Variants in XRCC6 observed in about 807,000 individuals in gnomAD.
The protein encoded by XRCC6 is DNA repair protein Ku70.
XRCC6 carries 5 observed loss-of-function variants against 65.7 expected under a neutral mutation model. The observed-to-expected ratio is 0.08, with a 90% confidence interval of 0.04 to 0.16. XRCC6 has a LOEUF of 0.16. Among genes scored for constraint, XRCC6 ranks in the 10% least tolerant of loss-of-function variants. The probability of loss-of-function intolerance (pLI) is 1.00; values close to 1 mark genes in which losing one functional copy is unlikely to be tolerated. For synonymous variants in XRCC6, 270 were observed against 270.6 expected, an observed-to-expected ratio of 1.00 and a Z score of 0.02; for missense variants, 447 against 738.1, an observed-to-expected ratio of 0.61 and a Z score of 4.57.
At chr22:41,634,710 A>G (rs1200339046) in intron 3 of XRCC6, among the ~76,000 whole-genome samples, 1 of 151,522 alleles carries the variant, frequency 6.6e-6, no homozygotes, top group Non-Finnish European at 1.5e-5. Context: ...ACATCCAACT[A>G]ATTTTTGTAT....
chr22:41,643,550 C>T (rs1393733932), intron 6 of XRCC6, among the ~76,000 whole-genome samples: 2 of 150,726 alleles, frequency 1.3e-5, no homozygotes, highest in East Asian at 4.0e-4. Context: ...GCCGGGCGCG[C>T]TGGCTCATGC....
rs28384752 is a variant in XRCC6 at position 41,647,264 on chromosome 22, A to AATTT, written c.960+199_960+202dup. Among the ~76,000 whole-genome samples, 519 of 152,170 alleles carry AATTT rather than the reference A, an allele frequency of 3.4e-3. 1 individual carries two copies. Among genetic ancestry groups the AATTT allele is most frequent in the South Asian group, 0.011 (52 of 4,818 alleles). On this transcript the variant is annotated intron_variant, in intron 7 of 12. Transcript: ENST00000360079. ...CAGGCATGTGACATCACACCCAGCT[A>AATTT]ATTTATTTATTTATTTATTTTTTAA...
Position 41,637,626 on chromosome 22 carries a change from T to C in XRCC6, c.608T>C (p.Met203Thr). Residue 203 changes from methionine to threonine, a missense_variant, in exon 6 of 13, where the codon ATG becomes ACG. Physicochemically the swap from Met to Thr is moderately conservative, Grantham distance 81. This residue lies in a region of XRCC6 where 228 missense variants were observed against 307.4 expected (regional missense o/e 0.74). Transcript: ENST00000360079. ...GCAACAGGCATCTTCCTTGACTTGA[T>C]GCACCTGAAGAAACCTGGGGGCTTT... ...LRDTGIFLDL[M>T]HLKKPGGFDI... The C allele has an allele frequency of 2.5e-6, 4 of 1,605,880 alleles. No individual in the cohort carries two copies. Among genetic ancestry groups the C allele is most frequent in the Non-Finnish European group, 3.4e-6 (4 of 1,176,908 alleles).
chr22:41,631,086 G>T (rs1029526698), intron 3 of XRCC6, among the ~76,000 whole-genome samples: 8 of 127,372 alleles, frequency 6.3e-5, no homozygotes, highest in Non-Finnish European at 9.0e-5. Context: ...CTGGCCGGGT[G>T]GGGGGATGAC....
chr22:41,632,467 C>CGGGCATGGTAGTGCA (rs1163800148), intron 3 of XRCC6, among the ~76,000 whole-genome samples: 1 of 151,826 alleles, frequency 6.6e-6, no homozygotes, highest in African/African-American at 2.4e-5. Flanking sequence ...AAAAATTAGC[C>CGGGCATGGTAGTGCA]GGGCATGGTA....
chr22:41,655,712 A>G (rs1362085959), intron 9 of XRCC6, among the ~76,000 whole-genome samples: 1 of 132,122 alleles, frequency 7.6e-6, no homozygotes, highest in Non-Finnish European at 1.5e-5. Context: ...AAAAAAAAAA[A>G]TAGTTTTTTC....
intron 6 of XRCC6, among the ~76,000 whole-genome samples, chr22:41,639,217 C>T (rs896888947): frequency 6.6e-6 from 1 of 151,632 alleles, no homozygotes; most frequent in African/African-American, 2.4e-5. Context: ...AAAACAGAGC[C>T]TGTTAGGGAG....
At position 41,657,033 on chromosome 22, in the gene XRCC6, G is replaced by A. The variant is rs2068051453; in HGVS notation, c.1421+1G>A. 1 of 1,570,342 alleles carries A rather than the reference G, an allele frequency of 6.4e-7. No homozygotes were observed. On this transcript the variant is annotated splice_donor_variant, in intron 10 of 12. Transcript: ENST00000360079. LOFTEE classifies it high-confidence loss of function. Reference sequence around the variant, plus strand: ...TTGAGAAGCTTCGCTTCACATACAGGTGAGTCAATCTCAGGCTTTCTGGAA... The same window carrying A: ...TTGAGAAGCTTCGCTTCACATACAGATGAGTCAATCTCAGGCTTTCTGGAA...
At chr22:41,644,655 T>A (rs1569090335) in intron 6 of XRCC6, among the ~76,000 whole-genome samples, 1 of 151,802 alleles carries the variant, frequency 6.6e-6, no homozygotes, top group Non-Finnish European at 1.5e-5. Context: ...CTGGCTAATA[T>A]TTTTTTGTAT....
intron 7 of XRCC6, among the ~76,000 whole-genome samples, chr22:41,650,016 C>T (rs1332857483): frequency 6.6e-6 from 1 of 151,856 alleles, no homozygotes; most frequent in Non-Finnish European, 1.5e-5. Flanking sequence ...TGACAGACTG[C>T]ATCTCAAATA....
At chr22:41,629,356 A>C (rs2067714929) in intron 3 of XRCC6, among the ~76,000 whole-genome samples, 2 of 152,236 alleles carry the variant, frequency 1.3e-5, no homozygotes, top group Admixed American at 1.3e-4. Flanking sequence ...ATATAGATAT[A>C]CATTCCATGA....
intron 7 of XRCC6, among the ~76,000 whole-genome samples, chr22:41,650,295 G>A (rs2067983001): frequency 6.6e-6 from 1 of 151,796 alleles, no homozygotes; most frequent in Admixed American, 6.6e-5. Flanking sequence ...TATACAGATA[G>A]GGTCTTGCCA....
intron 2 of XRCC6, among the ~76,000 whole-genome samples, chr22:41,627,695 C>T (rs1316670282): frequency 6.6e-6 from 1 of 150,986 alleles, no homozygotes; most frequent in African/African-American, 2.4e-5. Context: ...CAGTGTAGCA[C>T]AATACCATCT....
intron 3 of XRCC6, among the ~76,000 whole-genome samples, chr22:41,630,900 C>A (rs574639565): frequency 6.6e-6 from 1 of 152,238 alleles, no homozygotes; most frequent in Non-Finnish European, 1.5e-5. Context: ...ATTTCTCAAT[C>A]TTTTCCCCAC....
At chr22:41,650,629 G>T in intron 7 of XRCC6, 94 bp from the exon 8 acceptor site, 2 of 1,355,432 alleles carry the variant, frequency 1.5e-6, no homozygotes, top group Non-Finnish European at 2.1e-6. Flanking sequence ...CCTTAGAAGA[G>T]AGCTGATTTT....
At chr22:41,623,908 A>G (rs1202816190) in intron 2 of XRCC6, among the ~76,000 whole-genome samples, 2 of 151,878 alleles carry the variant, frequency 1.3e-5, no homozygotes, top group Non-Finnish European at 2.9e-5. Context: ...TTTTTAGTAG[A>G]GGCAGTGTTT....
chr22:41,635,596 A>G (rs939532113), intron 3 of XRCC6, among the ~76,000 whole-genome samples: 2 of 152,140 alleles, frequency 1.3e-5, no homozygotes, highest in African/African-American at 4.8e-5. Flanking sequence ...GCTGGACTGT[A>G]GTGGTGCAGT....
chr22:41,652,949 GGCGTGA>G (rs1256502095), intron 8 of XRCC6, among the ~76,000 whole-genome samples: 1 of 151,788 alleles, frequency 6.6e-6, no homozygotes, highest in African/African-American at 2.4e-5. Flanking sequence ...TGGGATTACA[GGCGTGA>G]GCCACCATGC....
chr22:41,637,830 TAAATC>T, intron 6 of XRCC6, 39 bp downstream of exon 6: 1 of 1,591,902 alleles, frequency 6.3e-7, no homozygotes, highest in Non-Finnish European at 8.6e-7. Flanking sequence ...ACACTGCCCT[TAAATC>T]AGAAGCAGGC....
Sources: allele counts gnomAD v4.1 joint callset (sites outside exome capture counted in the v4.1 genomes callset), GRCh38; gene constraint gnomAD v4.1.1; regional missense constraint gnomAD v4.1.1; transcripts MANE v1.5; gene names NCBI Gene and HGNC (gene_info 2026-07-23, HGNC 2026-07-21).